ZFP1: variants seen among roughly 807,000 people sequenced by gnomAD.
The protein encoded by ZFP1 is ZFP1 zinc finger protein.
Under a neutral mutation model 38.5 loss-of-function variants are expected in ZFP1, and 32 were observed. That is an observed-to-expected ratio of 0.83 (90% CI 0.63 to 1.12). The LOEUF (loss-of-function observed/expected upper bound fraction) is 1.12, where lower values mean the gene tolerates loss of function less well. Among genes scored for constraint, ZFP1 ranks in the 50% most tolerant of loss-of-function variants. The pLI is 0.00. For missense variants in ZFP1, 616 were observed against 480.8 expected, an observed-to-expected ratio of 1.28 and a Z score of -2.63; for synonymous variants, 245 against 168.8, an observed-to-expected ratio of 1.45 and a Z score of -3.50.
the ZFP1 span, among the ~76,000 whole-genome samples, chr16:75,134,937 C>G: frequency 6.6e-6 from 1 of 151,860 alleles, no homozygotes; most frequent in East Asian, 1.9e-4. Context: ...GCCTGTAATC[C>G]CAGCTACTCG....
At chr16:75,133,211 C>T in the ZFP1 span, among the ~76,000 whole-genome samples, 3 of 151,994 alleles carry the variant, frequency 2.0e-5, no homozygotes, top group African/African-American at 2.4e-5. Context: ...TCCTGACCTC[C>T]GGTGATCTGC....
At chr16:75,134,553 G>A in the ZFP1 span, among the ~76,000 whole-genome samples, 11 of 149,050 alleles carry the variant, frequency 7.4e-5, no homozygotes, top group Non-Finnish European at 1.0e-4. Flanking sequence ...TCAGGAGATC[G>A]AGACCTGGCT....
intron 1 of ZFP1, among the ~76,000 whole-genome samples, chr16:75,150,361 A>C (rs1376075119): frequency 1.4e-5 from 2 of 145,688 alleles, no homozygotes; most frequent in Non-Finnish European, 3.0e-5. Context: ...GGCGCCCGCC[A>C]CTACACCTGG....
chr16:75,148,057 G>A (rs879927728), upstream of ZFP1, among the ~76,000 whole-genome samples: 3 of 151,902 alleles, frequency 2.0e-5, no homozygotes, highest in Non-Finnish European at 4.4e-5. Flanking sequence ...AAGTGGCCTG[G>A]GAAAAAAGGG....
the ZFP1 span, among the ~76,000 whole-genome samples, chr16:75,132,997 A>G: frequency 6.7e-6 from 1 of 149,282 alleles, no homozygotes; most frequent in African/African-American, 2.5e-5. Context: ...TTTTTTTTCA[A>G]GACGGAGTCT....
the ZFP1 span, among the ~76,000 whole-genome samples, chr16:75,138,808 C>A: frequency 1.3e-5 from 2 of 152,170 alleles, no homozygotes; most frequent in African/African-American, 4.8e-5. Context: ...AGGACCTTGC[C>A]GACACCTTGC....
At chr16:75,137,203 C>T in the ZFP1 span, among the ~76,000 whole-genome samples, 1 of 152,130 alleles carries the variant, frequency 6.6e-6, no homozygotes, top group Non-Finnish European at 1.5e-5. Flanking sequence ...GCCCAGGAGT[C>T]ACCTGAGAGA....
the ZFP1 span, among the ~76,000 whole-genome samples, chr16:75,124,409 C>T: frequency 6.6e-6 from 1 of 150,896 alleles, no homozygotes; most frequent in Admixed American, 6.6e-5. Context: ...ATCTGCCCTC[C>T]TCAGCCTCTT....
At chr16:75,159,101 T>C (rs1207401394) in intron 2 of ZFP1, among the ~76,000 whole-genome samples, 2 of 152,038 alleles carry the variant, frequency 1.3e-5, no homozygotes, top group Non-Finnish European at 2.9e-5. Flanking sequence ...TTCGTTGTGT[T>C]GTCCAGGCTG....
At chr16:75,158,265 G>A (rs2037568123) in intron 2 of ZFP1, among the ~76,000 whole-genome samples, 1 of 151,476 alleles carries the variant, frequency 6.6e-6, no homozygotes, top group Admixed American at 6.6e-5. Flanking sequence ...TGTTGCCCAG[G>A]GTGGAATTTA....
chr16:75,125,240 C>T, the ZFP1 span, among the ~76,000 whole-genome samples: 114 of 150,648 alleles, frequency 7.6e-4, 1 homozygote, highest in African/African-American at 2.4e-3. Flanking sequence ...GCTGGGACAA[C>T]AGAGCAAGAC....
rs996418387 is a variant in ZFP1, at chr16:75,171,559, G to C, written c.*1225G>C. On this transcript the variant is annotated 3_prime_UTR_variant, in exon 4 of 4. Transcript: ENST00000570010. ...ATCAGATTTTTCAGTGGTCTCTCCA[G>C]ATATTAACAAGAATTGTTGTGTAAC... 2 of 152,256 alleles carry C rather than the reference G, an allele frequency of 1.3e-5. No homozygotes were observed. 9.4% of individuals were successfully genotyped at this position (152,256 alleles called of 1,614,324 possible).
At chr16:75,164,739 C>G (rs1467904831) in intron 2 of ZFP1, among the ~76,000 whole-genome samples, 1 of 151,820 alleles carries the variant, frequency 6.6e-6, no homozygotes, top group African/African-American at 2.4e-5. Flanking sequence ...GGGGGAATAT[C>G]AAAAGAATAT....
intron 2 of ZFP1, among the ~76,000 whole-genome samples, chr16:75,162,373 C>T (rs2037832809): frequency 6.6e-6 from 1 of 152,088 alleles, no homozygotes; most frequent in Non-Finnish European, 1.5e-5. Context: ...ATCCACCTGC[C>T]TTGGCTCCAA....
chr16:75,162,715 G>A (rs1169945036), intron 2 of ZFP1, among the ~76,000 whole-genome samples: 2 of 151,922 alleles, frequency 1.3e-5, no homozygotes, highest in African/African-American at 2.4e-5. Context: ...CTTTATGTTC[G>A]TGAGTACCCA....
In ZFP1 at chr16:75,172,191, G is replaced by T. The variant is rs1053127493; in HGVS notation, c.*1857G>T. On this transcript the variant is annotated 3_prime_UTR_variant, in exon 4 of 4. Transcript: ENST00000570010. The stretch of plus-strand genomic sequence containing the variant: ...GCAAGAGGGGAGAGAGAGAGTGTAT[G>T]TGTGTGTGTAGCAGTTTTTATAAAA... The T allele has an allele frequency of 6.6e-6, 1 of 152,146 alleles. No homozygotes were observed. The highest frequency in any genetic ancestry group is 1.5e-5 in the Non-Finnish European group (1 of 68,020). The allele number at this position is 152,146 out of a possible 1,614,324, so 9.4% of individuals were successfully genotyped here. A position where few individuals can be genotyped will look rare whatever the true frequency, so the allele number is the denominator to read the frequency against.
intron 2 of ZFP1, among the ~76,000 whole-genome samples, chr16:75,160,013 C>A (rs548842530): frequency 1.3e-5 from 2 of 152,272 alleles, no homozygotes; most frequent in South Asian, 4.1e-4. Flanking sequence ...TATGCAACCT[C>A]TGAAATCTCT....
chr16:75,150,209 CTTT>C (rs35346527), intron 1 of ZFP1, among the ~76,000 whole-genome samples: 21 of 100,224 alleles, frequency 2.1e-4, no homozygotes, highest in Admixed American at 2.0e-4. Flanking sequence ...TTTTCCAGAT[CTTT>C]TTTTTTTTTT....
chr16:75,148,741 T>G (rs922935991), intron 1 of ZFP1, 98 bp downstream of exon 1: 1 of 152,200 alleles, frequency 6.6e-6, no homozygotes, highest in African/African-American at 2.4e-5. Flanking sequence ...AGCCCAAACT[T>G]CGGCTACTCG....
Sources: gnomAD v4.1 joint callset for allele counts (sites outside exome capture counted in the v4.1 genomes callset) on GRCh38, gnomAD v4.1.1 for gene constraint, MANE v1.5 for transcripts, NCBI Gene and HGNC (gene_info 2026-07-23, HGNC 2026-07-21) for gene names.